Variants in GTPBP6 observed in about 807,000 individuals in gnomAD.
GTPBP6 encodes the protein putative GTP-binding protein 6.
Under a neutral mutation model 28.9 loss-of-function variants are expected in GTPBP6, and 33 were observed. The observed-to-expected ratio is 1.14, with a 90% confidence interval of 0.87 to 1.53. The LOEUF (loss-of-function observed/expected upper bound fraction) is 1.53, where lower values mean the gene tolerates loss of function less well. GTPBP6 is among the 40% of genes most tolerant of loss of function. The pLI is 0.00. For missense variants in GTPBP6, 507 were observed against 408.3 expected, an observed-to-expected ratio of 1.24 and a Z score of -2.08; for synonymous variants, 231 against 192.7, an observed-to-expected ratio of 1.20 and a Z score of -1.65.
chrX:314,004 G>A (rs1251519206), intron 5 of GTPBP6, 146 bp downstream of exon 5: 19 of 728,958 alleles, frequency 2.6e-5, no homozygotes, highest in Non-Finnish European at 4.4e-5. Context: ...AGGGCTGAGG[G>A]TCTCCTATGT....
chrX:312,737 G>T, intron 6 of GTPBP6, 29 bp downstream of exon 6: 1 of 1,589,152 alleles, frequency 6.3e-7, no homozygotes, highest in Non-Finnish European at 8.6e-7. Context: ...GGAGACCGCG[G>T]AAGGCCCCTC....
chrX:317,202 C>T (rs1406251917), intron 1 of GTPBP6, among the ~76,000 whole-genome samples, 151 bp from the exon 2 acceptor site: 1 of 152,138 alleles, frequency 6.6e-6, no homozygotes, highest in Admixed American at 6.5e-5. Flanking sequence ...CTTCGTCCCC[C>T]CAGGGCCTCT....
At chrX:312,451 T>A (rs35047434) in intron 6 of GTPBP6, 2 of 568,632 alleles carry the variant, frequency 3.5e-6, no homozygotes, top group East Asian at 8.2e-5. Context: ...GACAGGAGGA[T>A]GGTGTAGATG....
chrX:311,517 T>C (rs761381735), exon 7 of GTPBP6: 3 of 1,612,300 alleles, frequency 1.9e-6, no homozygotes, highest in South Asian at 2.2e-5. Context: ...AGGACGGTCA[T>C]GCGTGAGGGC....
At position 308,060 on chromosome X, in the gene GTPBP6, G is replaced by A. The variant is rs374547098; in HGVS notation, c.1126-180C>T. Among the ~76,000 whole-genome samples the A allele has an allele frequency of 2.1e-3, 319 of 151,882 alleles. 3 individuals carry two copies. The highest frequency in any genetic ancestry group is 7.4e-3 in the African/African-American group (306 of 41,422). On this transcript the variant is annotated intron_variant, in intron 7 of 9. Transcript: ENST00000326153. ...GGGGGCTCCTAGACCAACAGTGGAC[G>A]CGAGCCCACCCGGCTGCACTTACCC...
rs28676317 is a variant in GTPBP6, at chrX:305,128, C to G, written c.1497G>C (p.Arg499Ser). 18,815 of 1,613,356 alleles carry G rather than the reference C, an allele frequency of 0.012. 1,185 individuals are homozygous for G. In the African/African-American group the frequency reaches 0.18, roughly 15 times the overall value. The change falls in exon 10 of 10, where the codon AGG becomes AGC. Residue 499 changes from arginine (R) to serine (S), a missense_variant. By Grantham distance (110) the Arg-to-Ser change is moderately radical. Transcript: ENST00000326153. ...CGTAGGCTGAGTTGCTGATGATGAC[C>G]CTCACGTCGGCCGCCCCGTCCTCAG...
intron 6 of GTPBP6, 104 bp from the exon 7 acceptor site, chrX:311,731 C>T: frequency 1.1e-6 from 1 of 946,576 alleles, no homozygotes; most frequent in Non-Finnish European, 1.7e-6. Context: ...CTCTGGGGGG[C>T]CGCACCCCGG....
exon 10 of GTPBP6, chrX:304,862 A>C: frequency 1.4e-6 from 2 of 1,432,248 alleles, no homozygotes; most frequent in Non-Finnish European, 1.8e-6. Context: ...TCAGGCTTGG[A>C]GTGGACGCTC....
intron 9 of GTPBP6, 82 bp downstream of exon 9, chrX:307,278 T>C (rs2070190442): frequency 2.3e-6 from 3 of 1,317,316 alleles, no homozygotes; most frequent in Admixed American, 3.7e-5. Context: ...CAGCTCCTTG[T>C]GCACCCACGA....
At chrX:318,014 A>G (rs2124481705) in intron 1 of GTPBP6, among the ~76,000 whole-genome samples, 1 of 99,522 alleles carries the variant, frequency 1.0e-5, no homozygotes, top group East Asian at 3.0e-4. Flanking sequence ...ACGCCCTGGC[A>G]TCTCCAACCA....
At chrX:312,520 T>C in intron 6 of GTPBP6, 1 of 685,090 alleles carries the variant, frequency 1.5e-6, no homozygotes, top group Middle Eastern at 2.4e-4. Context: ...ATGGGGTAGA[T>C]GACATCCTCA....
At chrX:310,789 C>T (rs1009476721) in intron 7 of GTPBP6, among the ~76,000 whole-genome samples, 2 of 152,084 alleles carry the variant, frequency 1.3e-5, no homozygotes, top group Admixed American at 1.3e-4. Flanking sequence ...AGAGCTGGTT[C>T]CTGTGGTTTC....
chrX:312,084 G>A (rs900952127), intron 6 of GTPBP6: 1 of 453,162 alleles, frequency 2.2e-6, no homozygotes, highest in Non-Finnish European at 4.3e-6. Context: ...GAGAGGCGAT[G>A]GTGTAGACAG....
chrX:312,883 T>C (rs374378986), exon 6 of GTPBP6: 219 of 1,612,480 alleles, frequency 1.4e-4, no homozygotes, highest in Non-Finnish European at 1.8e-4. Flanking sequence ...TTGGCCTCCT[T>C]CTCTCTCAGG....
chrX:314,311 C>G (rs2070383238), intron 4 of GTPBP6, 94 bp from the exon 5 acceptor site: 2 of 1,046,398 alleles, frequency 1.9e-6, no homozygotes. Flanking sequence ...TGAGCTGGGC[C>G]TCTGGGCCGA....
chrX:312,841 T>C, exon 6 of GTPBP6: 1 of 1,612,894 alleles, frequency 6.2e-7, no homozygotes, highest in African/African-American at 1.3e-5. Flanking sequence ...AGGTGCCTCT[T>C]CTTGCGAAGC....
chrX:315,384 G>A, intron 2 of GTPBP6, 85 bp from the exon 3 acceptor site: 1 of 398,556 alleles, frequency 2.5e-6, no homozygotes, highest in Non-Finnish European at 4.4e-6. Context: ...TTTGTGGGAT[G>A]CACCGCGGAG....
chrX:305,455 G>A (rs2070139222), intron 9 of GTPBP6, among the ~76,000 whole-genome samples: 1 of 151,328 alleles, frequency 6.6e-6, no homozygotes, highest in Non-Finnish European at 1.5e-5. Context: ...CCGAGTAGCT[G>A]GGACTACAGG....
chrX:317,726 A>ACCCCACCCCC (rs2070466038), intron 1 of GTPBP6, among the ~76,000 whole-genome samples: 1 of 11,732 alleles, frequency 8.5e-5, no homozygotes, highest in African/African-American at 3.1e-4. Flanking sequence ...ACCCCACCCC[A>ACCCCACCCCC]CCCCACGGAC....
Sources: gnomAD v4.1 joint callset for allele counts (sites outside exome capture counted in the v4.1 genomes callset) on GRCh38, gnomAD v4.1.1 for gene constraint, MANE v1.5 for transcripts, NCBI Gene and HGNC (gene_info 2026-07-23, HGNC 2026-07-21) for gene names.